The following PXDC1 variants were observed in gnomAD, a reference collection of about 807,000 sequenced individuals.
PXDC1 encodes the protein PX domain-containing protein 1.
Under a neutral mutation model 24.4 loss-of-function variants are expected in PXDC1, and 13 were observed. The ratio of observed to expected loss-of-function variants is 0.53; its 90% confidence interval spans 0.35 to 0.85. The LOEUF is 0.85. Ranked by LOEUF, PXDC1 falls within the 40% of genes least tolerant of loss-of-function variation. The pLI is 0.01. For missense variants in PXDC1, 344 were observed against 309.3 expected (o/e 1.11, Z -0.84); for synonymous variants, 162 against 124.9 (o/e 1.30, Z -1.98).
At chr6:3,726,074 C>G (rs182054504) in intron 4 of PXDC1, among the ~76,000 whole-genome samples, 163 of 152,320 alleles carry the variant, frequency 1.1e-3, no homozygotes, top group Non-Finnish European at 1.9e-3. Flanking sequence ...ACAGTTGAAC[C>G]TGCCTCCTAA....
At chr6:3,742,783 T>G (rs753467300) in intron 1 of PXDC1, among the ~76,000 whole-genome samples, 2 of 152,174 alleles carry the variant, frequency 1.3e-5, no homozygotes, top group African/African-American at 4.8e-5. Flanking sequence ...AACCAAAAAA[T>G]TGGTAACACA....
chr6:3,729,181 T>C (rs1760141250), intron 3 of PXDC1, among the ~76,000 whole-genome samples: 1 of 152,154 alleles, frequency 6.6e-6, no homozygotes, highest in Non-Finnish European at 1.5e-5. Flanking sequence ...TTTAGCCTGG[T>C]TCATTCCCGT....
chr6:3,734,518 T>C (rs896725462), intron 3 of PXDC1, among the ~76,000 whole-genome samples: 1 of 152,034 alleles, frequency 6.6e-6, no homozygotes, highest in African/African-American at 2.4e-5. Context: ...AATAGACAAT[T>C]AGGACTCCAG....
chr6:3,726,853 C>T (rs1170845600), intron 4 of PXDC1, among the ~76,000 whole-genome samples: 1 of 152,234 alleles, frequency 6.6e-6, no homozygotes, highest in Non-Finnish European at 1.5e-5. Flanking sequence ...TTCAACACAA[C>T]CCGTGGTGGG....
intron 3 of PXDC1, among the ~76,000 whole-genome samples, chr6:3,731,402 T>A (rs763292997): frequency 3.9e-5 from 6 of 152,242 alleles, no homozygotes; most frequent in Non-Finnish European, 8.8e-5. Context: ...AGTGTGAATG[T>A]CTTAGAAGTC....
At chr6:3,733,995 A>G (rs1760260095) in intron 3 of PXDC1, among the ~76,000 whole-genome samples, 1 of 152,202 alleles carries the variant, frequency 6.6e-6, no homozygotes, top group Non-Finnish European at 1.5e-5. Context: ...CTTGACTTGC[A>G]TAAGGAGGCC....
intron 1 of PXDC1, chr6:3,739,242 C>G: frequency 3.0e-6 from 2 of 662,498 alleles, no homozygotes; most frequent in South Asian, 9.0e-5. Flanking sequence ...CATGAAAACT[C>G]CCACCAGGGC....
Position 3,751,675 on chromosome 6 carries a change from G to C in PXDC1, c.-144C>G. ...CCGTCACTCCAAGGAGGCTGCGTAT[G>C]GCCCGCGTTCGGGGCAGCGGGGCGG... is the stretch of plus-strand genomic sequence containing the variant. On this transcript the variant is annotated 5_prime_UTR_variant, in exon 1 of 5. Coordinates refer to ENST00000380283, the MANE Select transcript of PXDC1 (RefSeq NM_183373.4). 8 of 1,218,882 alleles carry C rather than the reference G, an allele frequency of 6.6e-6. No homozygotes were observed. Among genetic ancestry groups the C allele is most frequent in the Non-Finnish European group, 8.3e-6 (8 of 969,432 alleles). 75.5% of individuals were successfully genotyped at this position (1,218,882 alleles called of 1,614,324 possible).
intron 3 of PXDC1, among the ~76,000 whole-genome samples, chr6:3,730,358 T>C (rs974080326): frequency 6.6e-6 from 1 of 152,122 alleles, no homozygotes; most frequent in Non-Finnish European, 1.5e-5. Context: ...GAAAAGCAAA[T>C]TGTCTTAAAA....
chr6:3,751,451 G>A lies in PXDC1; in HGVS notation c.81C>T (p.Leu27=), dbSNP rs777263240. ...RGCWVNGIRR[L]IVSRRGDEEE... is the part of the protein sequence containing the mutation. ...CTTCGTCGCCGCGCCGGCTGACGAT[G>A]AGCCTGCGGATGCCGTTCACCCAGC... Residue 27 remains leucine (L), a synonymous_variant, in exon 1 of 5, where the codon CTC becomes CTT. Coordinates refer to ENST00000380283, the MANE Select transcript of PXDC1 (RefSeq NM_183373.4). 1.5e-5 allele frequency: 24 copies of A among 1,600,806 alleles called. No individual in the cohort carries two copies. Among genetic ancestry groups the A allele is most frequent in the Non-Finnish European group, 1.9e-5 (22 of 1,174,984 alleles).
At chr6:3,744,952 G>A (rs1581251489) in intron 1 of PXDC1, among the ~76,000 whole-genome samples, 2 of 152,144 alleles carry the variant, frequency 1.3e-5, no homozygotes, top group Admixed American at 6.5e-5. Flanking sequence ...CACCTGCCTC[G>A]GCCTCCCAAA....
rs1759982812 is a variant in PXDC1, at chr6:3,723,339, G to A, written c.*280C>T. ...ACTGTCCCTGCCCTGGCAGTGCGCAGCCCTGTGGGCACCAAGCAGGGAGTG... is the reference window on the plus strand; with the variant it reads ...ACTGTCCCTGCCCTGGCAGTGCGCAACCCTGTGGGCACCAAGCAGGGAGTG... On this transcript the variant is annotated 3_prime_UTR_variant, in exon 5 of 5. Transcript: ENST00000380283. 1 of 481,478 alleles carries A rather than the reference G, an allele frequency of 2.1e-6. No individual in the cohort carries two copies. The highest frequency in any genetic ancestry group is 1.9e-5 in the African/African-American group (1 of 52,268). The allele number at this position is 481,478 out of a possible 1,614,324, so 29.8% of individuals were successfully genotyped here.
chr6:3,727,174 G>A (rs1760088316), intron 4 of PXDC1, among the ~76,000 whole-genome samples: 1 of 152,260 alleles, frequency 6.6e-6, no homozygotes, highest in Admixed American at 6.5e-5. Flanking sequence ...TACACCTTCA[G>A]CACAGGGCCA....
rs566850930 is a variant in PXDC1 at position 3,728,530 on chromosome 6, C to T, written c.467-868G>A. On this transcript the variant is annotated intron_variant, in intron 3 of 4. Coordinates refer to ENST00000380283, the MANE Select transcript of PXDC1 (RefSeq NM_183373.4). This position sits in a 1 kb window ranked among gnomAD's most constrained non-coding sequence, Gnocchi z 4.0. ...GCCAGCAAAGAAAAACGACTTCCTA[C>T]GTCCATACTGGCTGCATGGCATGAG... is the stretch of plus-strand genomic sequence containing the variant. Among the ~76,000 whole-genome samples, 12 of 152,254 alleles carry T rather than the reference C, an allele frequency of 7.9e-5. No individual in the cohort carries two copies. Among genetic ancestry groups the T allele is most frequent in the African/African-American group, 2.4e-5 (1 of 41,538 alleles).
intron 1 of PXDC1, among the ~76,000 whole-genome samples, chr6:3,746,415 ATGGGAGCCCTGGCAGGGCACCCCCAG>A (rs1473501217): frequency 2.6e-5 from 4 of 152,280 alleles, no homozygotes; most frequent in South Asian, 4.1e-4. Flanking sequence ...GGGTGGCCCC[ATGGGAGCCCTGGCAGGGCACCCCCAG>A]TGCAGGGTGA....
chr6:3,730,996 G>A (rs1760183012), intron 3 of PXDC1, among the ~76,000 whole-genome samples: 2 of 152,216 alleles, frequency 1.3e-5, no homozygotes, highest in African/African-American at 4.8e-5. Flanking sequence ...CCATTGTGCA[G>A]ACTAACTTGA....
intron 1 of PXDC1, among the ~76,000 whole-genome samples, chr6:3,749,831 A>C (rs1288707077): frequency 6.6e-6 from 1 of 152,192 alleles, no homozygotes; most frequent in Non-Finnish European, 1.5e-5. Context: ...ACGCCTGACC[A>C]CAGTGAAGCT....
chr6:3,734,828 T>C (rs938219810), intron 3 of PXDC1, among the ~76,000 whole-genome samples: 1 of 152,174 alleles, frequency 6.6e-6, no homozygotes, highest in African/African-American at 2.4e-5. Context: ...CTAATACCTA[T>C]AATCCCAGCA....
intron 1 of PXDC1, among the ~76,000 whole-genome samples, chr6:3,749,298 C>G (rs1322720895): frequency 1.3e-5 from 2 of 151,660 alleles, no homozygotes; most frequent in Non-Finnish European, 2.9e-5. Flanking sequence ...CTGGACCTCA[C>G]ACTCACCGCC....
Sources: allele counts gnomAD v4.1 joint callset (sites outside exome capture counted in the v4.1 genomes callset), GRCh38; gene constraint gnomAD v4.1.1; non-coding constraint Gnocchi (gnomAD v3.1); transcripts MANE v1.5; gene names NCBI Gene and HGNC (gene_info 2026-07-23, HGNC 2026-07-21).